ZNF99: variants seen among roughly 807,000 people sequenced by gnomAD.
ZNF99 encodes zinc finger protein 99.
A neutral mutation model predicts 12.8 loss-of-function variants in ZNF99; 8 were observed. That is an observed-to-expected ratio of 0.62 (90% CI 0.37 to 1.13). ZNF99 has a LOEUF of 1.13. ZNF99 is among the 50% of genes most tolerant of loss of function. The pLI is 0.02. For synonymous variants in ZNF99, 318 were observed against 319.0 expected (o/e 1.00, Z 0.03); for missense variants, 1,007 against 1,006.2 (o/e 1.00, Z -0.01).
At chr19:22,765,533 C>T (rs73028917) in intron 3 of ZNF99, among the ~76,000 whole-genome samples, 13,574 of 150,374 alleles carry the variant, frequency 0.09, 623 homozygotes, top group Middle Eastern at 0.11. Flanking sequence ...TACTTGAAGA[C>T]GAAAAAAAAG....
chr19:22,769,442 C>G, intron 1 of ZNF99, 118 bp from the exon 2 acceptor site: 1 of 1,140,410 alleles, frequency 8.8e-7, no homozygotes, highest in East Asian at 2.8e-5. Context: ...ACAGGGATGA[C>G]TGAACGTATT....
chr19:22,769,821 G>A (rs34997927), intron 1 of ZNF99: 51,968 of 1,264,798 alleles, frequency 0.041, 3,289 homozygotes, highest in African/African-American at 0.29. Context: ...CTCAAACTCT[G>A]AGAAAAAAAG....
rs1300053507 is a variant in ZNF99, at chr19:22,759,257, T to A, written c.652A>T (p.Lys218Ter). 11 of 1,553,200 alleles carry A rather than the reference T, an allele frequency of 7.1e-6. No homozygotes were observed. Among genetic ancestry groups the A allele is most frequent in the Non-Finnish European group, 9.6e-6 (11 of 1,149,662 alleles). Reference sequence around the variant, plus strand: ...TCTTCAGTATGAATTATCTTATGTTTAATAAGGGTTGAGAACCATTTAAAG... The same window carrying A: ...TCTTCAGTATGAATTATCTTATGTTAAATAAGGGTTGAGAACCATTTAAAG... Reference protein sequence around the residue: ...KAFKWFSTLIKHKIIHTEDKP... With the variant: ...KAFKWFSTLI The change falls in exon 4 of 4, where the codon AAA becomes TAA. Residue 218 changes from lysine (K) to a stop codon, truncating the protein, a stop_gained. Coordinates refer to ENST00000596209, the MANE Select transcript of ZNF99 (RefSeq NM_001080409.3). LOFTEE classifies it low-confidence loss of function (END_TRUNC).
In ZNF99 at chr19:22,759,601, T is replaced by A. The variant is rs1973128417; in HGVS notation, c.308A>T (p.Tyr103Phe). The A allele has an allele frequency of 5.0e-6, 8 of 1,608,136 alleles. No homozygotes were observed. In the East Asian group the frequency reaches 1.1e-4, roughly 22 times the overall value. ...TAAATTCTTATGTCCACATCTTGCATATGTTCTCAATATTATTTCTTGGAA... is the reference window on the plus strand; with the variant it reads ...TAAATTCTTATGTCCACATCTTGCAAATGTTCTCAATATTATTTCTTGGAA... ...DSFQEIILRTYARCGHKNLRL... is the reference protein window; with the variant it reads ...DSFQEIILRTFARCGHKNLRL... Residue 103 changes from tyrosine (Y) to phenylalanine (F), a missense_variant, in exon 4 of 4, where the codon TAT (tyrosine) becomes TTT (phenylalanine). Physicochemically the swap from Tyr to Phe is conservative, Grantham distance 22. Coordinates refer to ENST00000596209, the MANE Select transcript of ZNF99 (RefSeq NM_001080409.3).
intron 1 of ZNF99, among the ~76,000 whole-genome samples, chr19:22,775,320 A>G (rs548929576): frequency 6.6e-6 from 1 of 152,180 alleles, no homozygotes; most frequent in Admixed American, 6.5e-5. Context: ...AGAAATCCCT[A>G]TTTAATAAAT....
At chr19:22,780,573 C>T (rs942907208) in intron 1 of ZNF99, among the ~76,000 whole-genome samples, 3 of 151,998 alleles carry the variant, frequency 2.0e-5, no homozygotes, top group Admixed American at 6.6e-5. Flanking sequence ...TATCTGTAAT[C>T]CCAGCTACTC....
In ZNF99 at chr19:22,754,335, C is replaced by A. The variant is rs1172879631; in HGVS notation, c.*2979G>T. The A allele has an allele frequency of 2.3e-6, 1 of 429,420 alleles. No individual in the cohort carries two copies. Among genetic ancestry groups the A allele is most frequent in the Non-Finnish European group, 4.6e-6 (1 of 217,416 alleles). The allele number at this position is 429,420 out of a possible 1,614,324, so 26.6% of individuals were successfully genotyped here. On this transcript the variant is annotated 3_prime_UTR_variant, in exon 4 of 4. Transcript: ENST00000596209. Reference sequence around the variant, plus strand: ...TGAACTGAGATTGCACCATTGCACTCCAATTTGGGCGACAGAGTGAGACTC... The same window carrying A: ...TGAACTGAGATTGCACCATTGCACTACAATTTGGGCGACAGAGTGAGACTC...
intron 1 of ZNF99, among the ~76,000 whole-genome samples, chr19:22,775,999 G>A (rs1973322031): frequency 6.6e-6 from 1 of 151,918 alleles, no homozygotes; most frequent in Non-Finnish European, 1.5e-5. Context: ...TCGAGCCTAG[G>A]CAACAAGAGT....
At position 22,758,037 on chromosome 19, in the gene ZNF99, T is replaced by C. The variant is rs779888103; in HGVS notation, c.1872A>G (p.Glu624=). 4 of 1,610,214 alleles carry C rather than the reference T, an allele frequency of 2.5e-6. No individual in the cohort carries two copies. The highest frequency in any genetic ancestry group is 3.4e-6 in the Non-Finnish European group (4 of 1,177,414). Residue 624 remains glutamate (E), a synonymous_variant, in exon 4 of 4, where the codon GAA becomes GAG. Transcript: ENST00000596209. The part of the protein sequence containing the change: ...IHTGKKPYKC[E]ECGKAFSQSS... ...ACTGGCTAAAAGCTTTGCCACATTC[T>C]TCACATTTGTAGGGTTTCTTTCCAG...
intron 3 of ZNF99, among the ~76,000 whole-genome samples, chr19:22,764,639 GA>G (rs56689322): frequency 0.17 from 23,881 of 143,168 alleles, 2,825 homozygotes; most frequent in African/African-American, 0.35. Flanking sequence ...AAATCAGCAA[GA>G]AAAAAAAAAA....
At chr19:22,773,278 G>A (rs1482498676) in intron 1 of ZNF99, among the ~76,000 whole-genome samples, 2 of 152,118 alleles carry the variant, frequency 1.3e-5, no homozygotes, top group Non-Finnish European at 2.9e-5. Context: ...TAGAGTTTTT[G>A]TGAAACATAA....
At position 22,755,542 on chromosome 19, in the gene ZNF99, C is replaced by A; in HGVS notation, c.*1772G>T. 6.6e-6 allele frequency: 2 copies of A among 304,318 alleles called. No homozygotes were observed. Among genetic ancestry groups the A allele is most frequent in the Admixed American group, 4.1e-5 (1 of 24,408 alleles). The allele number at this position is 304,318 out of a possible 1,614,324, so 18.9% of individuals were successfully genotyped here. A position where few individuals can be genotyped will look rare whatever the true frequency, so the allele number is the denominator to read the frequency against. On this transcript the variant is annotated 3_prime_UTR_variant, in exon 4 of 4. Transcript: ENST00000596209. ...CACATTCTTCACATTTGTAAAGTAT[C>A]TCTCCAGTATGAATTATCTTATGTT...
chr19:22,776,354 T>TAAAA (rs572280017), intron 1 of ZNF99, among the ~76,000 whole-genome samples: 7 of 82,086 alleles, frequency 8.5e-5, no homozygotes, highest in South Asian at 4.2e-4. Flanking sequence ...TCATCTCAAT[T>TAAAA]AAAAAAAAAA....
intron 1 of ZNF99, among the ~76,000 whole-genome samples, chr19:22,771,927 A>T (rs1973277634): frequency 6.7e-6 from 1 of 149,352 alleles, no homozygotes; most frequent in Admixed American, 6.7e-5. Flanking sequence ...CATATTGGCC[A>T]GGCTGGTCTC....
chr19:22,769,547 CACGAAGTCAGGA>C (rs1973242828), intron 1 of ZNF99, among the ~76,000 whole-genome samples: 2 of 152,012 alleles, frequency 1.3e-5, no homozygotes, highest in Non-Finnish European at 2.9e-5. Context: ...GCAGGAAGAT[CACGAAGTCAGGA>C]GATTGAGACC....
chr19:22,759,158 G>A lies in ZNF99; in HGVS notation c.751C>T (p.His251Tyr). ...CATTTGCAGGGTTTCTTTCCAGTAT[G>A]AATTATCTTACATTTAGTGAACATT... ...SSMFTKCKII[H>Y]TGKKPCKCEE... The change falls in exon 4 of 4, where the codon CAT becomes TAT. Residue 251 changes from histidine to tyrosine, a missense_variant. Transcript: ENST00000596209. 2 of 1,605,604 alleles carry A rather than the reference G, an allele frequency of 1.2e-6. No homozygotes were observed. Among genetic ancestry groups the A allele is most frequent in the Admixed American group, 1.7e-5 (1 of 58,638 alleles).
rs527469999 is a variant in ZNF99 at position 22,754,380 on chromosome 19, A to C, written c.*2934T>G. ...AGACTCCATTTCAAAAAAAAAAAAA[A>C]AACTTTGCCACATTCTTCACATTTG... On this transcript the variant is annotated 3_prime_UTR_variant, in exon 4 of 4. Coordinates refer to ENST00000596209, the MANE Select transcript of ZNF99 (RefSeq NM_001080409.3). The C allele has an allele frequency of 9.5e-6, 4 of 421,252 alleles. No homozygotes were observed. Among genetic ancestry groups the C allele is most frequent in the African/African-American group, 2.1e-5 (1 of 47,818 alleles). The allele number at this position is 421,252 out of a possible 1,614,324, so 26.1% of individuals were successfully genotyped here. A position where few individuals can be genotyped will look rare whatever the true frequency, so the allele number is the denominator to read the frequency against.
In ZNF99 at chr19:22,754,003, G is replaced by A; in HGVS notation, c.*3311C>T. On this transcript the variant is annotated 3_prime_UTR_variant, in exon 4 of 4. Coordinates refer to ENST00000596209, the MANE Select transcript of ZNF99 (RefSeq NM_001080409.3). The stretch of plus-strand genomic sequence containing the variant: ...AGTTTAAGGTGTTCTCAAGAGCACT[G>A]TCATGTCTTTTAGGTTTGTAGAGCT... 2.2e-6 allele frequency: 1 copy of A among 455,998 alleles called. No homozygotes were observed. The highest frequency in any genetic ancestry group is 4.4e-6 in the Non-Finnish European group (1 of 226,782). The allele number at this position is 455,998 out of a possible 1,614,324, so 28.2% of individuals were successfully genotyped here.
rs759058461 is a variant in ZNF99 at position 22,759,119 on chromosome 19, T to C, written c.790A>G (p.Lys264Glu). 2 of 1,612,210 alleles carry C rather than the reference T, an allele frequency of 1.2e-6. No individual in the cohort carries two copies. The highest frequency in any genetic ancestry group is 3.3e-5 in the Admixed American group (2 of 59,890). The change falls in exon 4 of 4, where the codon AAA becomes GAA. Residue 264 changes from lysine to glutamate, a missense_variant. Lys to Glu is a moderately conservative substitution (Grantham distance 56). Coordinates refer to ENST00000596209, the MANE Select transcript of ZNF99 (RefSeq NM_001080409.3). ...KKPCKCEECG[K>E]VFNNSSTLMK... Reference sequence around the variant, plus strand: ...AGGGTTGAGGAATTGTTAAAAACTTTGCCACATTCTTCACATTTGCAGGGT... The same window carrying C: ...AGGGTTGAGGAATTGTTAAAAACTTCGCCACATTCTTCACATTTGCAGGGT...
Sources: gnomAD v4.1 joint callset for allele counts (sites outside exome capture counted in the v4.1 genomes callset) on GRCh38, gnomAD v4.1.1 for gene constraint, MANE v1.5 for transcripts, NCBI Gene and HGNC (gene_info 2026-07-23, HGNC 2026-07-21) for gene names.